The following NELL2 variants were observed in gnomAD, a reference collection of about 807,000 sequenced individuals.
NELL2 encodes neural EGFL like 2.
A neutral mutation model predicts 109.6 loss-of-function variants in NELL2; 41 were observed. The ratio of observed to expected loss-of-function variants is 0.37; its 90% CI spans 0.29 to 0.49. The LOEUF (loss-of-function observed/expected upper bound fraction) is 0.49, where lower values mean the gene tolerates loss of function less well. Among genes scored for constraint, NELL2 ranks in the 20% least tolerant of loss-of-function variants. NELL2 has a pLI of 0.98. For missense variants in NELL2, 900 were observed against 1,008.3 expected, an observed-to-expected ratio of 0.89 and a Z score of 1.45; for synonymous variants, 355 against 344.7, an observed-to-expected ratio of 1.03 and a Z score of -0.33.
At chr12:44,722,714 A>C (rs1708036361) in intron 9 of NELL2, among the ~76,000 whole-genome samples, 2 of 152,182 alleles carry the variant, frequency 1.3e-5, no homozygotes, top group Non-Finnish European at 2.9e-5. Context: ...TAATACATTC[A>C]AAAATAGAGT....
At chr12:44,633,325 G>A (rs1429745615) in intron 13 of NELL2, among the ~76,000 whole-genome samples, 1 of 152,094 alleles carries the variant, frequency 6.6e-6, no homozygotes. Context: ...TGCTAGAGAA[G>A]CACAGCGTAT....
At chr12:44,664,534 A>T (rs1400736024) in intron 13 of NELL2, among the ~76,000 whole-genome samples, 1 of 152,086 alleles carries the variant, frequency 6.6e-6, no homozygotes, top group Non-Finnish European at 1.5e-5. Context: ...AGACAAAGTG[A>T]TACTTCTATT....
chr12:44,642,342 A>T (rs758271216), intron 13 of NELL2, among the ~76,000 whole-genome samples: 2 of 152,236 alleles, frequency 1.3e-5, no homozygotes, highest in Non-Finnish European at 2.9e-5. Flanking sequence ...AGCAATTCAC[A>T]AAAGGAAAAA....
intron 12 of NELL2, among the ~76,000 whole-genome samples, chr12:44,687,694 C>T (rs930876501): frequency 6.6e-6 from 1 of 152,276 alleles, no homozygotes; most frequent in Non-Finnish European, 1.5e-5. Flanking sequence ...ATAACCAGAA[C>T]ATGTGAGTTG....
chr12:44,807,289 A>G (rs1943032802), intron 3 of NELL2, among the ~76,000 whole-genome samples: 1 of 150,974 alleles, frequency 6.6e-6, no homozygotes, highest in Non-Finnish European at 1.5e-5. Context: ...CTAAAACATT[A>G]TATTTAATAG....
At chr12:44,876,816 C>A (rs1945341736), upstream of NELL2, 1 of 1,346,922 alleles carries the variant, frequency 7.4e-7, no homozygotes, top group Admixed American at 3.1e-5. Context: ...AAACACGCTG[C>A]ACTGCCGAGG....
At position 44,875,851 on chromosome 12, in the gene NELL2, G is replaced by C; in HGVS notation, c.19C>G (p.Leu7Val). The C allele has an allele frequency of 6.2e-7, 1 of 1,614,018 alleles. No homozygotes were observed. Among genetic ancestry groups the C allele is most frequent in the Non-Finnish European group, 8.5e-7 (1 of 1,180,038 alleles). Residue 7 changes from leucine to valine, a missense_variant, in exon 1 of 20, where the codon CTG (leucine) becomes GTG (valine). Coordinates refer to ENST00000429094, the MANE Select transcript of NELL2 (RefSeq NM_001145108.2). ...CCGAAGATCAAACAGAATGTTCTCA[G>C]TAAGACCCGAGACTCCATGGTGCGG... The part of the protein sequence containing the change: MESRVL[L>V]RTFCLIFGLG...
intron 12 of NELL2, among the ~76,000 whole-genome samples, chr12:44,701,489 G>A (rs898882543): frequency 6.6e-6 from 1 of 151,976 alleles, no homozygotes; most frequent in African/African-American, 2.4e-5. Flanking sequence ...TTATGATTAG[G>A]CCAATTTTCA....
chr12:44,709,706 G>A (rs1406435048), intron 11 of NELL2, among the ~76,000 whole-genome samples: 4 of 152,098 alleles, frequency 2.6e-5, no homozygotes, highest in African/African-American at 9.7e-5. Context: ...AGATTCTTAG[G>A]CCTGACCCCA....
At chr12:44,509,628 T>C (rs1327155090) in intron 19 of NELL2, among the ~76,000 whole-genome samples, 2 of 152,138 alleles carry the variant, frequency 1.3e-5, no homozygotes, top group Non-Finnish European at 2.9e-5. Context: ...ACAGGAAGTG[T>C]GTCCTTGGAG....
At chr12:44,742,516 C>T (rs1386159748) in intron 9 of NELL2, among the ~76,000 whole-genome samples, 2 of 152,080 alleles carry the variant, frequency 1.3e-5, no homozygotes, top group Non-Finnish European at 2.9e-5. Context: ...CTCTGAGCTA[C>T]AGGAGGAAAT....
chr12:44,518,733 T>C (rs998406097), intron 19 of NELL2, among the ~76,000 whole-genome samples: 1 of 152,202 alleles, frequency 6.6e-6, no homozygotes, highest in African/African-American at 2.4e-5. Context: ...AGGACTCAAC[T>C]CTATTTGGTA....
Position 44,779,910 on chromosome 12 carries a change from A to G in NELL2, c.448T>C (p.Trp150Arg). 1 of 1,613,954 alleles carries G rather than the reference A, an allele frequency of 6.2e-7. No homozygotes were observed. Among genetic ancestry groups the G allele is most frequent in the East Asian group, 2.2e-5 (1 of 44,878 alleles). Residue 150 changes from tryptophan to arginine, a missense_variant, in exon 4 of 20, where the codon TGG becomes CGG. Trp to Arg is a moderately radical substitution (Grantham distance 101). Around this residue, in one of 4 missense-constraint regions of NELL2, gnomAD observed 200 missense variants for 191.8 expected, o/e 1.04. Transcript: ENST00000429094. ...CTGATGGCTAAGGAGAGCTTGTGCC[A>G]CTTGTCATCAGCCAAAATGTAAGGA... ...VFPYILADDK[W>R]HKLSLAISAS...
At chr12:44,830,137 A>T (rs544148033) in intron 2 of NELL2, among the ~76,000 whole-genome samples, 1 of 152,202 alleles carries the variant, frequency 6.6e-6, no homozygotes, top group Non-Finnish European at 1.5e-5. Context: ...AATTAGAAGG[A>T]TTAAAAAATA....
intron 9 of NELL2, among the ~76,000 whole-genome samples, chr12:44,759,725 C>T (rs950981078): frequency 6.6e-6 from 1 of 152,184 alleles, no homozygotes; most frequent in Non-Finnish European, 1.5e-5. Context: ...CCATGTAGAT[C>T]CTCCATAACC....
At chr12:44,687,503 T>A (rs2136388117) in intron 12 of NELL2, among the ~76,000 whole-genome samples, 1 of 152,364 alleles carries the variant, frequency 6.6e-6, no homozygotes, top group African/African-American at 2.4e-5. Flanking sequence ...AGCTTCCACT[T>A]CCTATCTCCA....
chr12:44,671,484 A>G (rs1948136344), intron 12 of NELL2, among the ~76,000 whole-genome samples: 2 of 152,146 alleles, frequency 1.3e-5, no homozygotes, highest in African/African-American at 4.8e-5. Context: ...ACAAAGAATT[A>G]ACAAAATGAA....
intron 10 of NELL2, among the ~76,000 whole-genome samples, chr12:44,712,517 A>G (rs11182617): frequency 0.14 from 21,221 of 151,998 alleles, 1,634 homozygotes; most frequent in East Asian, 0.24. Context: ...AAAAGGACAA[A>G]ACTGACAATA....
intron 12 of NELL2, among the ~76,000 whole-genome samples, chr12:44,686,386 T>C (rs1286845050): frequency 6.6e-6 from 1 of 152,210 alleles, no homozygotes; most frequent in African/African-American, 2.4e-5. Context: ...CGGAGTAATT[T>C]GATCGTCTGA....
Sources: allele counts gnomAD v4.1 joint callset (sites outside exome capture counted in the v4.1 genomes callset), GRCh38; gene constraint gnomAD v4.1.1; regional missense constraint gnomAD v4.1.1; transcripts MANE v1.5; gene names NCBI Gene and HGNC (gene_info 2026-07-23, HGNC 2026-07-21).